ZNF469: variants seen among roughly 807,000 people sequenced by gnomAD.
The protein encoded by ZNF469 is zinc finger protein 469.
A neutral mutation model predicts 1.0 loss-of-function variants in ZNF469; 1 was observed. The observed-to-expected ratio is 1.00, with a 90% CI of 0.35 to 4.73. The LOEUF (loss-of-function observed/expected upper bound fraction) is 4.73, where lower values mean the gene tolerates loss of function less well. Among genes scored for constraint, ZNF469 ranks in the 30% most tolerant of loss-of-function variants. ZNF469 has a pLI of 0.16. For missense variants in ZNF469, 6,100 were observed against 5,356.3 expected, an observed-to-expected ratio of 1.14 and a Z score of -4.33; for synonymous variants, 2,703 against 2,363.4, an observed-to-expected ratio of 1.14 and a Z score of -4.17.
the ZNF469 span, among the ~76,000 whole-genome samples, chr16:88,217,148 T>C: frequency 0.067 from 8,921 of 132,868 alleles, 273 homozygotes; most frequent in Middle Eastern, 0.12. Context: ...GATTTTTGAT[T>C]GAATACTAAC....
chr16:88,438,446 G>T lies in ZNF469; in HGVS notation c.10976G>T (p.Gly3659Val). The T allele has an allele frequency of 6.5e-7, 1 of 1,550,140 alleles. No individual in the cohort carries two copies. The highest frequency in any genetic ancestry group is 8.7e-7 in the Non-Finnish European group (1 of 1,146,956). ...TCCTCAAGCCACATGGTGTCTGAGG[G>T]GGGGCCCCGAGGCGCCTTCCACAAG... ...EVSSSHMVSE[G>V]GPRGAFHKGS... Residue 3659 changes from glycine to valine, a missense_variant, in exon 3 of 3, where the codon GGG becomes GTG. By Grantham distance (109) the Gly-to-Val change is moderately radical. Coordinates refer to ENST00000565624, the MANE Select transcript of ZNF469 (RefSeq NM_001367624.2).
chr16:88,387,329 C>A (rs879666605), intron 1 of ZNF469, among the ~76,000 whole-genome samples: 1 of 152,228 alleles, frequency 6.6e-6, no homozygotes, highest in Admixed American at 6.5e-5. Flanking sequence ...GGTTCTCCCC[C>A]CTTGGTCTGG....
rs1397579730 is a variant in ZNF469, at chr16:88,436,935, G to C, written c.9465G>C (p.Ser3155=). Residue 3155 remains serine (S), a synonymous_variant, in exon 3 of 3, where the codon TCG becomes TCC. Transcript: ENST00000565624. ...CYMCVERRFG[S]RELLRGHLQE... is the part of the protein sequence containing the mutation. ...TGTGCGTGGAGCGCAGGTTTGGCTCGCGGGAGCTGCTGCGGGGGCACCTGC... is the reference window on the plus strand; with the variant it reads ...TGTGCGTGGAGCGCAGGTTTGGCTCCCGGGAGCTGCTGCGGGGGCACCTGC... The C allele has an allele frequency of 2.0e-6, 3 of 1,492,802 alleles. No homozygotes were observed. The highest frequency in any genetic ancestry group is 2.7e-6 in the Non-Finnish European group (3 of 1,122,506). 92.5% of individuals were successfully genotyped at this position (1,492,802 alleles called of 1,614,324 possible). A position where few individuals can be genotyped will look rare whatever the true frequency, so the allele number is the denominator to read the frequency against.
At chr16:88,339,921 G>A in the ZNF469 span, among the ~76,000 whole-genome samples, 4 of 143,020 alleles carry the variant, frequency 2.8e-5, no homozygotes, top group East Asian at 6.0e-4. Context: ...TTCACGGGGT[G>A]GCACAGTGTT....
At chr16:88,325,640 G>A in the ZNF469 span, among the ~76,000 whole-genome samples, 2 of 152,236 alleles carry the variant, frequency 1.3e-5, no homozygotes, top group Non-Finnish European at 1.5e-5. Flanking sequence ...AGGGCTCCTG[G>A]TCCCATCCCT....
At chr16:88,140,209 A>G in the ZNF469 span, among the ~76,000 whole-genome samples, 2 of 152,260 alleles carry the variant, frequency 1.3e-5, no homozygotes, top group African/African-American at 4.8e-5. Context: ...ATAGTCATAA[A>G]AAAAAACTTT....
the ZNF469 span, among the ~76,000 whole-genome samples, chr16:88,244,393 G>GTGGATGGA: frequency 1.6e-3 from 213 of 131,248 alleles, 2 homozygotes; most frequent in African/African-American, 4.8e-3. Context: ...GAATGCATGG[G>GTGGATGGA]TGGATGGATG....
At chr16:88,112,905 G>A in the ZNF469 span, among the ~76,000 whole-genome samples, 1 of 146,538 alleles carries the variant, frequency 6.8e-6, no homozygotes, top group African/African-American at 2.5e-5. Flanking sequence ...GGCCTCCCCA[G>A]TAGCTGGGAC....
At chr16:88,392,476 G>C (rs942398050) in intron 1 of ZNF469, among the ~76,000 whole-genome samples, 41 of 152,226 alleles carry the variant, frequency 2.7e-4, no homozygotes, top group African/African-American at 6.5e-4. Flanking sequence ...TTTCGTCTCT[G>C]AGAGTTCGTT....
At chr16:88,160,146 C>CT in the ZNF469 span, among the ~76,000 whole-genome samples, 6 of 152,156 alleles carry the variant, frequency 3.9e-5, no homozygotes, top group African/African-American at 1.4e-4. Context: ...ACCCCTGTGC[C>CT]TTTTTTCCAA....
the ZNF469 span, among the ~76,000 whole-genome samples, chr16:88,133,633 TAA>T: frequency 6.9e-6 from 1 of 145,846 alleles, no homozygotes; most frequent in African/African-American, 2.8e-5. Flanking sequence ...AATAGATTAA[TAA>T]AATAAATTAT....
At chr16:88,245,528 G>A in the ZNF469 span, among the ~76,000 whole-genome samples, 1 of 152,248 alleles carries the variant, frequency 6.6e-6, no homozygotes, top group Admixed American at 6.5e-5. Flanking sequence ...GAGGTCAGCT[G>A]CCCAGGAGAA....
intron 1 of ZNF469, among the ~76,000 whole-genome samples, chr16:88,409,131 G>A (rs1227831497): frequency 2.6e-5 from 4 of 152,250 alleles, no homozygotes; most frequent in African/African-American, 9.6e-5. Flanking sequence ...GAGACCCCGG[G>A]AGTGCGGCCT....
the ZNF469 span, among the ~76,000 whole-genome samples, chr16:88,158,276 TG>T: frequency 7.4e-6 from 1 of 135,988 alleles, no homozygotes; most frequent in Non-Finnish European, 1.6e-5. Context: ...GGCCAGGGAG[TG>T]GGGGCAGCTG....
the ZNF469 span, among the ~76,000 whole-genome samples, chr16:88,330,060 AG>A: frequency 6.6e-6 from 1 of 152,250 alleles, no homozygotes; most frequent in Non-Finnish European, 1.5e-5. Context: ...TGCCAGGCAT[AG>A]GCAAAGCCTC....
chr16:88,429,722 A>G lies in ZNF469; in HGVS notation c.2252A>G (p.Gln751Arg), dbSNP rs1417645368. 6.5e-7 allele frequency: 1 copy of G among 1,543,708 alleles called. No homozygotes were observed. Among genetic ancestry groups the G allele is most frequent in the Non-Finnish European group, 8.7e-7 (1 of 1,143,206 alleles). The change falls in exon 3 of 3, where the codon CAG becomes CGG. Residue 751 changes from glutamine (Q) to arginine (R), a missense_variant. Gln to Arg is a conservative substitution (Grantham distance 43). Coordinates refer to ENST00000565624, the MANE Select transcript of ZNF469 (RefSeq NM_001367624.2). ...CTGGCGGCCTTCCTGGCCCACCGGC[A>G]GTTCTGTGGCCTGCTCCTGGCCAGG... ...SSLAAFLAHR[Q>R]FCGLLLARAK...
Position 88,433,216 on chromosome 16 carries a change from A to C in ZNF469, c.5746A>C (p.Lys1916Gln), listed in dbSNP as rs1410994817. Reference protein sequence around the residue: ...QLPGPGVAKSKDGILGLQELT... With the variant: ...QLPGPGVAKSQDGILGLQELT... Reference sequence around the variant, plus strand: ...CCCAGGGCCTGGAGTGGCTAAGAGTAAAGATGGCATCCTGGGCTTGCAGGA... The same window carrying C: ...CCCAGGGCCTGGAGTGGCTAAGAGTCAAGATGGCATCCTGGGCTTGCAGGA... The change falls in exon 3 of 3, where the codon AAA becomes CAA. Residue 1916 changes from lysine (K) to glutamine (Q), a missense_variant. Lys to Gln is a moderately conservative substitution (Grantham distance 53). Transcript: ENST00000565624. 15 of 1,550,238 alleles carry C rather than the reference A, an allele frequency of 9.7e-6. No individual in the cohort carries two copies. The South Asian group carries it at 1.5e-4, about 16-fold the overall frequency.
At chr16:88,272,716 G>A in the ZNF469 span, among the ~76,000 whole-genome samples, 2 of 151,504 alleles carry the variant, frequency 1.3e-5, no homozygotes, top group Admixed American at 1.3e-4. Flanking sequence ...ACGGGTGGGT[G>A]TATGGATAGA....
At chr16:88,140,652 C>T in the ZNF469 span, among the ~76,000 whole-genome samples, 1 of 152,178 alleles carries the variant, frequency 6.6e-6, no homozygotes, top group African/African-American at 2.4e-5. Context: ...TAAATTGAGG[C>T]CAGGCGCAGT....
Sources: gnomAD v4.1 joint callset for allele counts (sites outside exome capture counted in the v4.1 genomes callset) on GRCh38, gnomAD v4.1.1 for gene constraint, MANE v1.5 for transcripts, NCBI Gene and HGNC (gene_info 2026-07-23, HGNC 2026-07-21) for gene names.